The following EBF2 variants were observed in gnomAD, a reference collection of about 807,000 sequenced individuals.
EBF2 encodes the protein transcription factor COE2.
Under a neutral mutation model 72.8 loss-of-function variants are expected in EBF2, and 21 were observed. That is an observed-to-expected ratio of 0.29 (90% CI 0.20 to 0.42). The LOEUF (loss-of-function observed/expected upper bound fraction) is 0.42. Among genes scored for constraint, EBF2 ranks in the 10% least tolerant of loss-of-function variants. The pLI is 1.00. For missense variants in EBF2, 637 were observed against 731.2 expected (o/e 0.87, Z 1.49); for synonymous variants, 299 against 274.2 (o/e 1.09, Z -0.89).
At chr8:25,890,107 T>C (rs1223521880) in intron 7 of EBF2, among the ~76,000 whole-genome samples, 1 of 152,164 alleles carries the variant, frequency 6.6e-6, no homozygotes, top group Non-Finnish European at 1.5e-5. Flanking sequence ...ACCCATGTAA[T>C]GAAGTGGAGA....
At chr8:26,012,563 G>C (rs1435026322) in intron 6 of EBF2, among the ~76,000 whole-genome samples, 1 of 152,078 alleles carries the variant, frequency 6.6e-6, no homozygotes, top group African/African-American at 2.4e-5. Context: ...ATTTGCATTC[G>C]AAAATGAAAT....
intron 6 of EBF2, among the ~76,000 whole-genome samples, chr8:25,911,926 G>C (rs749036234): frequency 2.0e-5 from 3 of 152,220 alleles, no homozygotes; most frequent in Non-Finnish European, 4.4e-5. Flanking sequence ...CCCTGAGGCT[G>C]ATGGGCAGAT....
At chr8:25,865,888 G>A (rs1477721313) in intron 10 of EBF2, among the ~76,000 whole-genome samples, 1 of 151,834 alleles carries the variant, frequency 6.6e-6, no homozygotes, top group Non-Finnish European at 1.5e-5. Context: ...AGCCGGGCGT[G>A]GTGGCGGGTG....
intron 14 of EBF2, among the ~76,000 whole-genome samples, chr8:25,856,232 A>C (rs1012896293): frequency 2.6e-5 from 4 of 152,200 alleles, no homozygotes; most frequent in African/African-American, 9.7e-5. Context: ...ATGTACAAAA[A>C]CAACTATTAT....
At chr8:25,919,168 T>C (rs918607847) in intron 6 of EBF2, among the ~76,000 whole-genome samples, 6 of 151,590 alleles carry the variant, frequency 4.0e-5, no homozygotes, top group African/African-American at 1.5e-4. Context: ...AACTATAGAG[T>C]TTTCCAACCA....
At chr8:25,871,828 G>A (rs1250569715) in intron 10 of EBF2, among the ~76,000 whole-genome samples, 28 of 151,762 alleles carry the variant, frequency 1.8e-4, no homozygotes, top group South Asian at 1.5e-3. Flanking sequence ...TTTTGATTGC[G>A]GGTATAATAT....
Position 26,042,101 on chromosome 8 carries a change from A to G in EBF2, c.282T>C (p.Asn94=), listed in dbSNP as rs1209554347. 1.2e-6 allele frequency: 2 copies of G among 1,613,444 alleles called. No individual in the cohort carries two copies. Among genetic ancestry groups the G allele is most frequent in the Non-Finnish European group, 1.7e-6 (2 of 1,179,608 alleles). ...GGGGGTACTTTCCGCTTACTTTGTCATTCTCCACAAAGTCCACGAAGGCCG... is the reference window on the plus strand; with the variant it reads ...GGGGGTACTTTCCGCTTACTTTGTCGTTCTCCACAAAGTCCACGAAGGCCG... The part of the protein sequence containing the change: ...ERTAFVDFVE[N]DKEQGNEKTN... Residue 94 remains asparagine (N), a synonymous_variant, in exon 2 of 16, where the codon AAT becomes AAC. Transcript: ENST00000520164.
chr8:26,005,621 G>T (rs1322585258), intron 6 of EBF2, among the ~76,000 whole-genome samples: 1 of 109,770 alleles, frequency 9.1e-6, no homozygotes, highest in Non-Finnish European at 1.8e-5. Context: ...TGAGCCCCCT[G>T]AAGTTCAAGA....
chr8:25,929,026 T>C (rs1803437764), intron 6 of EBF2, among the ~76,000 whole-genome samples: 2 of 152,356 alleles, frequency 1.3e-5, no homozygotes, highest in East Asian at 1.9e-4. Context: ...AGTTGTATTA[T>C]ATTATTATAA....
At chr8:26,040,699 A>G (rs773920463) in intron 3 of EBF2, 28 bp from the exon 4 acceptor site, 12 of 1,551,886 alleles carry the variant, frequency 7.7e-6, no homozygotes, top group Admixed American at 2.0e-5. Context: ...GCACGAGTCA[A>G]GGGCCGTAGA....
intron 6 of EBF2, among the ~76,000 whole-genome samples, chr8:25,987,554 T>C (rs1013039514): frequency 3.9e-5 from 6 of 152,228 alleles, no homozygotes; most frequent in Admixed American, 1.3e-4. Context: ...ATGAGTGGCA[T>C]CATATCCATG....
chr8:25,856,365 T>C (rs1418655998), intron 14 of EBF2, among the ~76,000 whole-genome samples: 1 of 152,200 alleles, frequency 6.6e-6, no homozygotes, highest in Non-Finnish European at 1.5e-5. Flanking sequence ...ACACTATAAA[T>C]ACATTAAATA....
chr8:25,903,206 T>C (rs1026258975), intron 7 of EBF2, among the ~76,000 whole-genome samples: 33 of 148,196 alleles, frequency 2.2e-4, no homozygotes, highest in Admixed American at 1.6e-3. Context: ...TTTTTTTTTT[T>C]CCTTTTTGTG....
At chr8:25,900,660 A>G (rs1331080087) in intron 7 of EBF2, among the ~76,000 whole-genome samples, 2 of 152,172 alleles carry the variant, frequency 1.3e-5, no homozygotes, top group African/African-American at 4.8e-5. Flanking sequence ...AGGGTCTCTC[A>G]TGAAAGTTCA....
chr8:25,903,498 ATCCTGGC>A (rs1802988995), intron 7 of EBF2, among the ~76,000 whole-genome samples: 1 of 151,902 alleles, frequency 6.6e-6, no homozygotes, highest in African/African-American at 2.4e-5. Flanking sequence ...AATCGAGACC[ATCCTGGC>A]TAACACGGTG....
intron 6 of EBF2, among the ~76,000 whole-genome samples, chr8:25,990,994 C>A (rs1804533602): frequency 6.6e-6 from 1 of 152,178 alleles, no homozygotes; most frequent in Non-Finnish European, 1.5e-5. Flanking sequence ...AGCTGAATGG[C>A]AGCTAATGGG....
intron 6 of EBF2, among the ~76,000 whole-genome samples, chr8:25,994,493 T>TCAC (rs1290501464): frequency 6.6e-6 from 1 of 152,236 alleles, no homozygotes; most frequent in East Asian, 1.9e-4. Context: ...ACATGTATGT[T>TCAC]CACCGCAACA....
intron 6 of EBF2, among the ~76,000 whole-genome samples, chr8:25,964,097 G>T (rs771303766): frequency 6.6e-6 from 1 of 152,058 alleles, no homozygotes; most frequent in African/African-American, 2.4e-5. Flanking sequence ...ACACACACAG[G>T]CATACCCCGC....
chr8:25,903,314 A>G (rs956268630), intron 7 of EBF2, among the ~76,000 whole-genome samples: 1 of 151,312 alleles, frequency 6.6e-6, no homozygotes, highest in African/African-American at 2.4e-5. Context: ...GATTACAGGC[A>G]TGAGCCACTG....
Sources: gnomAD v4.1 joint callset for allele counts (sites outside exome capture counted in the v4.1 genomes callset) on GRCh38, gnomAD v4.1.1 for gene constraint, MANE v1.5 for transcripts, NCBI Gene and HGNC (gene_info 2026-07-23, HGNC 2026-07-21) for gene names.